PLCL1: variants seen among roughly 807,000 people sequenced by gnomAD.
PLCL1 encodes inactive phospholipase C-like protein 1.
In PLCL1, 41 loss-of-function variants were observed where a neutral mutation model predicts 84.4. The observed-to-expected ratio is 0.49, with a 90% CI of 0.38 to 0.63. PLCL1 has a LOEUF of 0.63. PLCL1 is among the 30% of genes least tolerant of loss of function. PLCL1 has a pLI of 0.00. For missense variants in PLCL1, 1,206 were observed against 1,367.8 expected, an observed-to-expected ratio of 0.88 and a Z score of 1.87; for synonymous variants, 490 against 488.3, an observed-to-expected ratio of 1.00 and a Z score of -0.05.
intron 1 of PLCL1, among the ~76,000 whole-genome samples, chr2:197,998,883 C>G (rs1357931096): frequency 6.6e-6 from 1 of 152,102 alleles, no homozygotes; most frequent in Non-Finnish European, 1.5e-5. Flanking sequence ...GGAACGGAAC[C>G]CACCCACATG....
chr2:198,071,064 A>G (rs572746113), intron 1 of PLCL1: 24 of 715,450 alleles, frequency 3.4e-5, no homozygotes, highest in African/African-American at 2.1e-4. Context: ...ATATTATACT[A>G]TAAGTACTCT....
At chr2:197,900,298 T>C (rs1688240525) in intron 1 of PLCL1, among the ~76,000 whole-genome samples, 1 of 152,182 alleles carries the variant, frequency 6.6e-6, no homozygotes, top group East Asian at 1.9e-4. Context: ...TAGAATCTAT[T>C]AAGTAGGACA....
intron 1 of PLCL1, among the ~76,000 whole-genome samples, chr2:197,863,624 G>T (rs1173207286): frequency 2.0e-5 from 3 of 152,090 alleles, no homozygotes; most frequent in East Asian, 3.9e-4. Context: ...TATACAAGAA[G>T]ATATCATAAA....
chr2:197,913,674 G>C (rs1688534981), intron 1 of PLCL1, among the ~76,000 whole-genome samples: 1 of 152,182 alleles, frequency 6.6e-6, no homozygotes, highest in Admixed American at 6.5e-5. Context: ...GATCAAGGAA[G>C]AAATGCTTTG....
chr2:197,967,476 A>G (rs1689768727), intron 1 of PLCL1, among the ~76,000 whole-genome samples: 1 of 152,206 alleles, frequency 6.6e-6, no homozygotes, highest in African/African-American at 2.4e-5. Context: ...GTATCACTAG[A>G]TACATATGGG....
At position 197,857,025 on chromosome 2, in the gene PLCL1, G is replaced by A. The variant is rs186261210; in HGVS notation, c.240+51686G>A. On this transcript the variant is annotated intron_variant, in intron 1 of 5. Coordinates refer to ENST00000428675, the MANE Select transcript of PLCL1 (RefSeq NM_006226.4). ...AGAGGATCAGGAAAAGTAGCTAGTGGATGCTGGGCTTAATACCTGGGTGAT... is the reference window on the plus strand; with the variant it reads ...AGAGGATCAGGAAAAGTAGCTAGTGAATGCTGGGCTTAATACCTGGGTGAT... 4.5e-3 allele frequency among the ~76,000 whole-genome samples: 688 copies of A among 152,188 alleles called. 7 individuals carry two copies. The highest frequency in any genetic ancestry group is 0.016 in the African/African-American group (652 of 41,530).
chr2:197,897,098 C>CCTT (rs1156287674), intron 1 of PLCL1, among the ~76,000 whole-genome samples: 25 of 117,880 alleles, frequency 2.1e-4, no homozygotes, highest in East Asian at 9.0e-4. Flanking sequence ...AAGTATGACT[C>CCTT]CTTCTTCTTC....
chr2:197,805,189 C>A lies in PLCL1; in HGVS notation c.90C>A (p.Ala30=). The part of the protein sequence containing the change: ...EDDPRVGPDA[A]GDCVTAASGG... Reference sequence around the variant, plus strand: ...ACCCCCGAGTGGGCCCGGATGCCGCCGGGGACTGCGTGACGGCGGCCTCTG... The same window carrying A: ...ACCCCCGAGTGGGCCCGGATGCCGCAGGGGACTGCGTGACGGCGGCCTCTG... The change falls in exon 1 of 6, where the codon GCC becomes GCA. Residue 30 remains alanine, a synonymous_variant. Coordinates refer to ENST00000428675, the MANE Select transcript of PLCL1 (RefSeq NM_006226.4). This position sits in a 1 kb window ranked among gnomAD's most constrained non-coding sequence, Gnocchi z 4.0. 1 of 1,280,504 alleles carries A rather than the reference C, an allele frequency of 7.8e-7. No homozygotes were observed. The highest frequency in any genetic ancestry group is 2.6e-5 in the South Asian group (1 of 38,440). The allele number at this position is 1,280,504 out of a possible 1,614,324, so 79.3% of individuals were successfully genotyped here. A position where few individuals can be genotyped will look rare whatever the true frequency, so the allele number is the denominator to read the frequency against.
intron 3 of PLCL1, 37 bp from the exon 4 acceptor site, chr2:198,101,248 T>A: frequency 7.7e-7 from 1 of 1,291,066 alleles, no homozygotes; most frequent in Non-Finnish European, 1.1e-6. Flanking sequence ...GTTCAAGGAT[T>A]CTGACAACCA....
intron 3 of PLCL1, among the ~76,000 whole-genome samples, chr2:198,091,172 A>T (rs1294981319): frequency 6.6e-6 from 1 of 152,190 alleles, no homozygotes; most frequent in East Asian, 1.9e-4. Context: ...AAAATGATTA[A>T]AAACACCATT....
intron 1 of PLCL1, among the ~76,000 whole-genome samples, chr2:197,934,236 GCTGT>G (rs1052890451): frequency 3.3e-5 from 5 of 152,268 alleles, no homozygotes; most frequent in Non-Finnish European, 5.9e-5. Context: ...TGGACAGGAA[GCTGT>G]CTATCAAGAG....
chr2:198,113,442 T>A (rs1693669327), intron 5 of PLCL1, among the ~76,000 whole-genome samples: 1 of 151,876 alleles, frequency 6.6e-6, no homozygotes, highest in East Asian at 1.9e-4. Flanking sequence ...GCTGACAGTC[T>A]AGTGGGGGAA....
chr2:198,019,800 T>C (rs561179448), intron 1 of PLCL1, among the ~76,000 whole-genome samples: 2 of 152,322 alleles, frequency 1.3e-5, no homozygotes, highest in African/African-American at 4.8e-5. Context: ...TAGAACCAAG[T>C]TGGAAAATAC....
intron 3 of PLCL1, among the ~76,000 whole-genome samples, chr2:198,091,375 C>A (rs929003211): frequency 6.6e-6 from 1 of 152,082 alleles, no homozygotes; most frequent in Non-Finnish European, 1.5e-5. Context: ...CTCTTCAGAT[C>A]TGGAGTGAAC....
intron 1 of PLCL1, among the ~76,000 whole-genome samples, chr2:197,937,638 C>T (rs910602533): frequency 1.3e-5 from 2 of 152,150 alleles, no homozygotes; most frequent in Admixed American, 6.5e-5. Context: ...ATGTTTTCTG[C>T]CATATCATCC....
rs141166431 is a variant in PLCL1, at chr2:198,021,598, G to A, written c.241-62160G>A. 5.4e-3 allele frequency among the ~76,000 whole-genome samples: 819 copies of A among 152,038 alleles called. 8 individuals are homozygous for A. Among genetic ancestry groups the A allele is most frequent in the African/African-American group, 0.018 (752 of 41,484 alleles). ...TCCCACAGAAATACAAACTACCATC[G>A]GAGAATACTATAAACACCTCTATGC... On this transcript the variant is annotated intron_variant, in intron 1 of 5. Transcript: ENST00000428675.
At chr2:198,038,981 T>G (rs1258010837) in intron 1 of PLCL1, among the ~76,000 whole-genome samples, 1 of 152,176 alleles carries the variant, frequency 6.6e-6, no homozygotes, top group Non-Finnish European at 1.5e-5. Context: ...GAAAAGGTAT[T>G]TCCACCCCGT....
intron 5 of PLCL1, among the ~76,000 whole-genome samples, chr2:198,108,497 A>G (rs1693542931): frequency 6.6e-6 from 1 of 151,876 alleles, no homozygotes; most frequent in Non-Finnish European, 1.5e-5. Flanking sequence ...GACAGCATGG[A>G]GTGGTGCAAA....
chr2:197,991,316 T>C (rs1184005000), intron 1 of PLCL1, among the ~76,000 whole-genome samples: 1 of 152,154 alleles, frequency 6.6e-6, no homozygotes, highest in Non-Finnish European at 1.5e-5. Flanking sequence ...TACCACTGGC[T>C]TTCCTGGGAT....
Sources: gnomAD v4.1 joint callset for allele counts (sites outside exome capture counted in the v4.1 genomes callset) on GRCh38, gnomAD v4.1.1 for gene constraint, Gnocchi (gnomAD v3.1) non-coding constraint, MANE v1.5 for transcripts, NCBI Gene and HGNC (gene_info 2026-07-23, HGNC 2026-07-21) for gene names.